Variants in ADGRL3 observed in about 807,000 individuals in gnomAD.
ADGRL3 encodes adhesion G protein-coupled receptor L3, also known as calcium-independent alpha-latrotoxin receptor 3.
Under a neutral mutation model 153.5 loss-of-function variants are expected in ADGRL3, and 62 were observed. The observed-to-expected ratio is 0.40, with a 90% CI of 0.33 to 0.50. The LOEUF (loss-of-function observed/expected upper bound fraction) is 0.50, where lower values mean the gene tolerates loss of function less well. ADGRL3 is among the 20% of genes least tolerant of loss of function. The pLI is 0.47. For synonymous variants in ADGRL3, 710 were observed against 672.5 expected (o/e 1.06, Z -0.86); for missense variants, 1,641 against 1,859.4 (o/e 0.88, Z 2.16).
intron 21 of ADGRL3, among the ~76,000 whole-genome samples, chr4:62,016,010 C>T (rs1006184720): frequency 3.3e-5 from 5 of 151,366 alleles, no homozygotes; most frequent in African/African-American, 9.7e-5. Flanking sequence ...TTTATTTTTC[C>T]CTTCATTCCC....
At chr4:61,716,835 C>T (rs1430101071) in intron 6 of ADGRL3, among the ~76,000 whole-genome samples, 1 of 152,156 alleles carries the variant, frequency 6.6e-6, no homozygotes, top group Non-Finnish European at 1.5e-5. Flanking sequence ...AGCCCATTGT[C>T]ATAGCATTGC....
chr4:61,232,487 T>G (rs945567447), intron 1 of ADGRL3, among the ~76,000 whole-genome samples: 1 of 152,082 alleles, frequency 6.6e-6, no homozygotes, highest in East Asian at 1.9e-4. Flanking sequence ...TTTTGTATTT[T>G]TAGTAGAGAC....
intron 2 of ADGRL3, among the ~76,000 whole-genome samples, chr4:61,399,816 G>A (rs1017076103): frequency 4.0e-5 from 6 of 151,610 alleles, no homozygotes; most frequent in Non-Finnish European, 7.4e-5. Context: ...TGGGATTTTA[G>A]GAATGAGAAG....
At chr4:61,679,498 C>G (rs2095287397) in intron 6 of ADGRL3, among the ~76,000 whole-genome samples, 1 of 152,056 alleles carries the variant, frequency 6.6e-6, no homozygotes, top group Admixed American at 6.6e-5. Flanking sequence ...CAACACTCAG[C>G]TATTTTTCTT....
At chr4:61,456,383 ATATATAGATATATC>A (rs2097741640) in intron 2 of ADGRL3, among the ~76,000 whole-genome samples, 1 of 119,782 alleles carries the variant, frequency 8.3e-6, no homozygotes, top group African/African-American at 3.2e-5. Flanking sequence ...ATCTATATAT[ATATATAGATATATC>A]TATATCTATA....
At chr4:61,726,217 G>GTTTTTTTTTTTTTTTTTTTTTT (rs2096340442) in intron 6 of ADGRL3, among the ~76,000 whole-genome samples, 1 of 50,276 alleles carries the variant, frequency 2.0e-5, no homozygotes. Context: ...TTTGTTTTTT[G>GTTTTTTTTTTTTTTTTTTTTTT]AGAAGGAGTC....
chr4:61,465,157 GT>G (rs2097864108), intron 2 of ADGRL3, among the ~76,000 whole-genome samples: 1 of 152,130 alleles, frequency 6.6e-6, no homozygotes. Flanking sequence ...TAATGCAGCA[GT>G]TTAAAGTATT....
intron 21 of ADGRL3, among the ~76,000 whole-genome samples, chr4:62,009,829 A>G (rs975005613): frequency 2.0e-5 from 3 of 152,090 alleles, no homozygotes; most frequent in African/African-American, 7.2e-5. Flanking sequence ...AGTGCCCAGG[A>G]TGCCCACATT....
intron 1 of ADGRL3, among the ~76,000 whole-genome samples, chr4:61,326,440 T>G (rs752133315): frequency 6.6e-6 from 1 of 152,114 alleles, no homozygotes; most frequent in Admixed American, 6.6e-5. Flanking sequence ...AAATCAAATT[T>G]GAGGTAACAA....
At chr4:61,547,914 G>C (rs1235939000) in intron 4 of ADGRL3, among the ~76,000 whole-genome samples, 2 of 151,922 alleles carry the variant, frequency 1.3e-5, no homozygotes, top group African/African-American at 4.8e-5. Context: ...TCCCCAGCAT[G>C]TGTTATTTTT....
chr4:62,043,897 G>C (rs1729694917), intron 24 of ADGRL3, among the ~76,000 whole-genome samples: 1 of 151,972 alleles, frequency 6.6e-6, no homozygotes, highest in Non-Finnish European at 1.5e-5. Flanking sequence ...AGTCAGGATA[G>C]TTATGTAATC....
rs746274680 is a variant in ADGRL3 at position 61,733,029 on chromosome 4, C to T, written c.874C>T (p.Arg292Cys). 3.1e-6 allele frequency: 5 copies of T among 1,613,484 alleles called. No individual in the cohort carries two copies. The highest frequency in any genetic ancestry group is 2.2e-5 in the South Asian group (2 of 91,068). ...TGGAGCTTTGTTCTTCAACAAAGAG[C>T]GCACCAGGAACATAGTAAAGTTTGA... ...YDGALFFNKERTRNIVKFDLR... is the reference protein window; with the variant it reads ...YDGALFFNKECTRNIVKFDLR... The change falls in exon 8 of 27, where the codon CGC (arginine) becomes TGC (cysteine). Residue 292 changes from arginine (R) to cysteine (C), a missense_variant. Coordinates refer to ENST00000683033, the MANE Select transcript of ADGRL3 (RefSeq NM_001387552.1).
chr4:61,853,733 T>C lies in ADGRL3; in HGVS notation c.1481-38923T>C, dbSNP rs759505548. 1.1e-4 allele frequency among the ~76,000 whole-genome samples: 17 copies of C among 152,330 alleles called. No individual in the cohort carries two copies. The South Asian group carries it at 2.1e-3, about 19-fold the overall frequency. ...AACTACATGATTTGCATTCCTGAAG[T>C]TGATGATTACATATGGTTCCTAATA... On this transcript the variant is annotated intron_variant, in intron 9 of 26. Transcript: ENST00000683033.
At chr4:61,213,403 T>A (rs1194201338) in intron 1 of ADGRL3, among the ~76,000 whole-genome samples, 9 of 152,162 alleles carry the variant, frequency 5.9e-5, no homozygotes, top group Admixed American at 5.9e-4. Flanking sequence ...TGAATTTTGA[T>A]TCCCAATCTT....
At chr4:61,442,839 A>ATATT (rs1162783181) in intron 2 of ADGRL3, among the ~76,000 whole-genome samples, 4 of 152,142 alleles carry the variant, frequency 2.6e-5, no homozygotes, top group Admixed American at 6.5e-5. Flanking sequence ...GTATAACCAT[A>ATATT]TATTTTTTAT....
chr4:62,058,221 G>A (rs771377499), intron 25 of ADGRL3, among the ~76,000 whole-genome samples: 7 of 151,928 alleles, frequency 4.6e-5, no homozygotes, highest in African/African-American at 7.3e-5. Flanking sequence ...GTTGTTATCC[G>A]CAGTTAGTAT....
chr4:61,405,128 T>C (rs1020578159), intron 2 of ADGRL3, among the ~76,000 whole-genome samples: 8 of 152,018 alleles, frequency 5.3e-5, no homozygotes, highest in African/African-American at 9.7e-5. Context: ...AGGAATCTTA[T>C]ATGAGTTTAG....
rs141340865 is a variant in ADGRL3 at position 61,280,745 on chromosome 4, A to C, written c.-240+78980A>C. Among the ~76,000 whole-genome samples the C allele has an allele frequency of 2.4e-3, 363 of 152,302 alleles. 2 individuals carry two copies. The highest frequency in any genetic ancestry group is 8.3e-3 in the African/African-American group (345 of 41,576). Reference sequence around the variant, plus strand: ...ACTTCAGAAGTTCATGTAAGGATGCATATTTTAATAGCAAGATATTAGAAT... The same window carrying C: ...ACTTCAGAAGTTCATGTAAGGATGCCTATTTTAATAGCAAGATATTAGAAT... On this transcript the variant is annotated intron_variant, in intron 1 of 26. Transcript: ENST00000683033.
intron 2 of ADGRL3, among the ~76,000 whole-genome samples, chr4:61,471,723 C>T (rs1479604183): frequency 1.3e-5 from 2 of 151,894 alleles, no homozygotes; most frequent in Non-Finnish European, 2.9e-5. Context: ...GACAACAGTG[C>T]AGTATTTAAC....
Sources: gnomAD v4.1 joint callset for allele counts (sites outside exome capture counted in the v4.1 genomes callset) on GRCh38, gnomAD v4.1.1 for gene constraint, MANE v1.5 for transcripts, NCBI Gene and HGNC (gene_info 2026-07-23, HGNC 2026-07-21) for gene names.